The following TMEM74 variants were observed in gnomAD, a reference collection of about 807,000 sequenced individuals.
TMEM74 encodes the protein transmembrane protein 74.
TMEM74 carries 13 observed loss-of-function variants against 18.1 expected under a neutral mutation model. The observed-to-expected ratio is 0.72, with a 90% CI of 0.47 to 1.14. The LOEUF (loss-of-function observed/expected upper bound fraction) is 1.14, where lower values mean the gene tolerates loss of function less well. Among genes scored for constraint, TMEM74 ranks in the 50% most tolerant of loss-of-function variants. The pLI is 0.00. For synonymous variants in TMEM74, 159 were observed against 146.6 expected (o/e 1.08, Z -0.61); for missense variants, 372 against 375.9 (o/e 0.99, Z 0.09).
intron 1 of TMEM74, among the ~76,000 whole-genome samples, chr8:108,707,293 C>A (rs962009098): frequency 1.3e-5 from 2 of 151,730 alleles, no homozygotes; most frequent in East Asian, 3.9e-4. Context: ...ATGTAACAAA[C>A]CTGCATGTTG....
intron 1 of TMEM74, among the ~76,000 whole-genome samples, chr8:108,770,523 A>T (rs1387969875): frequency 6.6e-6 from 1 of 152,198 alleles, no homozygotes; most frequent in African/African-American, 2.4e-5. Context: ...AAATAATGCC[A>T]TCTAGCTTCC....
In TMEM74 at chr8:108,784,290, T is replaced by G. The variant is rs1421683505; in HGVS notation, c.809A>C (p.Glu270Ala). 1.2e-6 allele frequency: 2 copies of G among 1,614,148 alleles called. No individual in the cohort carries two copies. Among genetic ancestry groups the G allele is most frequent in the Admixed American group, 3.3e-5 (2 of 60,016 alleles). ...GAAAGAACCATAGAGTTTTGCAGAC[T>G]CTTTGGAAGAGGCAAATCTGTTTCG... ...YRRNRFASSK[E>A]SAKLYGSFNF... is the part of the protein sequence containing the mutation. Residue 270 changes from glutamate (E) to alanine (A), a missense_variant, in exon 2 of 2, where the codon GAG (glutamate) becomes GCG (alanine). Glu to Ala is a moderately radical substitution (Grantham distance 107). Transcript: ENST00000297459.
intron 1 of TMEM74, among the ~76,000 whole-genome samples, chr8:108,663,692 A>G (rs1812922476): frequency 6.6e-6 from 1 of 152,174 alleles, no homozygotes; most frequent in African/African-American, 2.4e-5. Context: ...CACAATAGCA[A>G]AGACAGGAAA....
intron 1 of TMEM74, among the ~76,000 whole-genome samples, chr8:108,761,323 T>C (rs564563853): frequency 4.6e-5 from 7 of 152,212 alleles, no homozygotes; most frequent in East Asian, 3.9e-4. Context: ...ACCTACCTCA[T>C]AGTGTTATTA....
chr8:108,650,398 T>C (rs1812761697), intron 2 of TMEM74, among the ~76,000 whole-genome samples: 2 of 152,340 alleles, frequency 1.3e-5, no homozygotes, highest in African/African-American at 4.8e-5. Flanking sequence ...TCAGATTACA[T>C]TTTCTGTCCC....
chr8:108,758,610 T>C (rs949480793), intron 1 of TMEM74, among the ~76,000 whole-genome samples: 2 of 152,070 alleles, frequency 1.3e-5, no homozygotes, highest in Non-Finnish European at 2.9e-5. Flanking sequence ...ACAGTGCTAA[T>C]GCACAGCTGA....
At chr8:108,765,700 A>G (rs1401213680) in intron 1 of TMEM74, among the ~76,000 whole-genome samples, 1 of 151,980 alleles carries the variant, frequency 6.6e-6, no homozygotes, top group Admixed American at 6.6e-5. Flanking sequence ...GAGCTACTGC[A>G]CCTGGCCATC....
At chr8:108,682,510 G>A (rs2130600269) in intron 1 of TMEM74, among the ~76,000 whole-genome samples, 1 of 151,994 alleles carries the variant, frequency 6.6e-6, no homozygotes. Context: ...GCCCTATGAT[G>A]GTAGCAACCA....
intron 2 of TMEM74, among the ~76,000 whole-genome samples, chr8:108,654,381 T>C (rs1044869886): frequency 1.3e-5 from 2 of 152,192 alleles, no homozygotes; most frequent in African/African-American, 4.8e-5. Context: ...ATACTGAGGA[T>C]TAAATTATAG....
chr8:108,708,944 A>T (rs1490576210), intron 1 of TMEM74, among the ~76,000 whole-genome samples: 5 of 152,086 alleles, frequency 3.3e-5, no homozygotes, highest in African/African-American at 1.2e-4. Context: ...CAACATCATT[A>T]ATTATTTAAA....
chr8:108,618,322 T>C (rs1400650583), intron 2 of TMEM74, among the ~76,000 whole-genome samples: 1 of 152,150 alleles, frequency 6.6e-6, no homozygotes, highest in Admixed American at 6.6e-5. Flanking sequence ...TCCTAGGTTG[T>C]GTATATTTTG....
intron 1 of TMEM74, among the ~76,000 whole-genome samples, chr8:108,668,445 T>TCA (rs926791478): frequency 6.6e-6 from 1 of 152,180 alleles, no homozygotes; most frequent in Non-Finnish European, 1.5e-5. Context: ...TCATGACATG[T>TCA]CATAACAAAA....
At chr8:108,703,304 G>A (rs186758530) in intron 1 of TMEM74, among the ~76,000 whole-genome samples, 7 of 152,188 alleles carry the variant, frequency 4.6e-5, no homozygotes, top group East Asian at 1.9e-4. Context: ...TTGTTGTAAC[G>A]TACATTTCCT....
At chr8:108,685,839 T>C (rs906957452) in intron 1 of TMEM74, among the ~76,000 whole-genome samples, 3 of 152,108 alleles carry the variant, frequency 2.0e-5, no homozygotes, top group Admixed American at 6.6e-5. Flanking sequence ...AAATTTTAAT[T>C]AGAAAAAATG....
chr8:108,762,687 C>T (rs1001372535), intron 1 of TMEM74, among the ~76,000 whole-genome samples: 3 of 151,998 alleles, frequency 2.0e-5, no homozygotes, highest in Non-Finnish European at 4.4e-5. Flanking sequence ...ATCATTAATT[C>T]GAATGGTACT....
At chr8:108,687,949 G>A (rs1376181932) in intron 1 of TMEM74, among the ~76,000 whole-genome samples, 1 of 152,014 alleles carries the variant, frequency 6.6e-6, no homozygotes, top group African/African-American at 2.4e-5. Context: ...GGGTTTCTAT[G>A]GTTAAATAAG....
At chr8:108,746,020 C>G (rs1003416156) in intron 1 of TMEM74, among the ~76,000 whole-genome samples, 1 of 152,140 alleles carries the variant, frequency 6.6e-6, no homozygotes, top group Non-Finnish European at 1.5e-5. Context: ...GAATTGCTCA[C>G]TCGGGGAGCT....
chr8:108,706,579 C>T (rs1157155940), intron 1 of TMEM74, among the ~76,000 whole-genome samples: 2 of 152,094 alleles, frequency 1.3e-5, no homozygotes, highest in African/African-American at 2.4e-5. Context: ...TATTTTGGAC[C>T]TATTACTTTT....
At chr8:108,761,674 C>T (rs181732625) in intron 1 of TMEM74, among the ~76,000 whole-genome samples, 1 of 152,182 alleles carries the variant, frequency 6.6e-6, no homozygotes, top group Admixed American at 6.5e-5. Flanking sequence ...CCTATCTGTC[C>T]AAATAAAATG....
Sources: gnomAD v4.1 joint callset for allele counts (sites outside exome capture counted in the v4.1 genomes callset) on GRCh38, gnomAD v4.1.1 for gene constraint, MANE v1.5 for transcripts, NCBI Gene and HGNC (gene_info 2026-07-23, HGNC 2026-07-21) for gene names.